Variants in VPS53 observed in about 807,000 individuals in gnomAD.
The protein encoded by VPS53 is vacuolar protein sorting-associated protein 53 homolog.
Under a neutral mutation model 107.0 loss-of-function variants are expected in VPS53, and 70 were observed. That is an observed-to-expected ratio of 0.65 (90% CI 0.54 to 0.80). The LOEUF is 0.80. VPS53 is among the 30% of genes least tolerant of loss of function. The pLI is 0.00. For missense variants in VPS53, 917 were observed against 1,049.4 expected (o/e 0.87, Z 1.74); for synonymous variants, 409 against 393.3 (o/e 1.04, Z -0.47).
chr17:630,803 C>A (rs1167597484), intron 8 of VPS53, among the ~76,000 whole-genome samples: 1 of 152,160 alleles, frequency 6.6e-6, no homozygotes, highest in Non-Finnish European at 1.5e-5. Context: ...AGGCTCCTTG[C>A]CCCTAAGTGC....
intron 13 of VPS53, among the ~76,000 whole-genome samples, chr17:583,095 C>A (rs914412971): frequency 1.4e-5 from 2 of 147,270 alleles, no homozygotes; most frequent in African/African-American, 5.1e-5. Context: ...CAACCTAATG[C>A]GTTCCCAAAG....
intron 13 of VPS53, among the ~76,000 whole-genome samples, chr17:565,230 C>T (rs1210961579): frequency 2.0e-5 from 3 of 151,552 alleles, no homozygotes; most frequent in East Asian, 1.9e-4. Flanking sequence ...AGAGAAACCC[C>T]GTCTTCACTA....
rs550337192 is a variant in VPS53 at position 703,043 on chromosome 17, A to G, written c.169-3663T>C. 2.0e-5 allele frequency among the ~76,000 whole-genome samples: 3 copies of G among 152,240 alleles called. No homozygotes were observed. In the East Asian group the frequency reaches 5.8e-4, roughly 29 times the overall value. On this transcript the variant is annotated intron_variant, in intron 2 of 21. Transcript: ENST00000437048. ...GGCAACCTGGCAAAACCCTGTCTCT[A>G]CCAAAAATACAAAAAACTACCTGGG...
chr17:584,401 G>C (rs1567649765), intron 13 of VPS53, among the ~76,000 whole-genome samples: 1 of 152,230 alleles, frequency 6.6e-6, no homozygotes, highest in Admixed American at 6.5e-5. Context: ...TCGGCTGTTA[G>C]TTTGGAAGTC....
intron 13 of VPS53, among the ~76,000 whole-genome samples, chr17:585,223 A>C (rs1324254553): frequency 6.6e-6 from 1 of 152,236 alleles, no homozygotes; most frequent in Non-Finnish European, 1.5e-5. Context: ...GTGCCTCTTG[A>C]CACAATGCAC....
intron 4 of VPS53, among the ~76,000 whole-genome samples, chr17:666,176 C>G (rs73281385): frequency 6.6e-6 from 1 of 152,042 alleles, no homozygotes; most frequent in African/African-American, 2.4e-5. Context: ...ACAGAATACA[C>G]AAGAGAAGAA....
chr17:521,544 G>T (rs1401380457), intron 20 of VPS53, 57 bp downstream of exon 20: 1 of 1,472,566 alleles, frequency 6.8e-7, no homozygotes, highest in Non-Finnish European at 9.1e-7. Flanking sequence ...CAAAACCAAG[G>T]CTTCTCAGAA....
At chr17:681,075 T>G (rs1972374848) in intron 4 of VPS53, among the ~76,000 whole-genome samples, 4 of 152,202 alleles carry the variant, frequency 2.6e-5, no homozygotes, top group Admixed American at 2.0e-4. Flanking sequence ...AAATTACATG[T>G]TTTTTGAAAA....
Position 627,165 on chromosome 17 carries a change from G to T in VPS53, c.974+9C>A. 1 of 1,611,524 alleles carries T rather than the reference G, an allele frequency of 6.2e-7. No homozygotes were observed. Among genetic ancestry groups the T allele is most frequent in the Non-Finnish European group, 8.5e-7 (1 of 1,178,936 alleles). ...TTAACCACAGAACCAGTAGAGAACT[G>T]GCATCTACCTTGTCACATGGCAAAA... is the stretch of plus-strand genomic sequence containing the variant. On this transcript the variant is annotated intron_variant, in intron 10 of 21. Coordinates refer to ENST00000437048, the MANE Select transcript of VPS53 (RefSeq NM_001128159.3).
intron 4 of VPS53, among the ~76,000 whole-genome samples, chr17:672,108 T>TCACACACA (rs1392614940): frequency 0.023 from 696 of 30,242 alleles, 3 homozygotes; most frequent in African/African-American, 0.053. Context: ...ATGATGAGGG[T>TCACACACA]GACACACACA....
In VPS53 at chr17:519,166, T is replaced by C; in HGVS notation, c.2461A>G (p.Ile821Val). ...APTPEQESSR[I>V]RKLEKLIKKR... ...TTAATGAGTTTCTCGAGCTTGCGGA[T>C]GCGTGACGACTCTTGCTCTGGTGTT... Residue 821 changes from isoleucine (I) to valine (V), a missense_variant, in exon 22 of 22, where the codon ATC becomes GTC. Transcript: ENST00000437048. The surrounding 1 kb of genome is among the most constrained non-coding windows in gnomAD (Gnocchi z 5.0). 1 of 1,543,892 alleles carries C rather than the reference T, an allele frequency of 6.5e-7. No individual in the cohort carries two copies. The highest frequency in any genetic ancestry group is 8.7e-7 in the Non-Finnish European group (1 of 1,144,024).
At chr17:543,177 C>A (rs79353507) in intron 17 of VPS53, among the ~76,000 whole-genome samples, 3,612 of 152,086 alleles carry the variant, frequency 0.024, 52 homozygotes, top group East Asian at 0.069. Context: ...TGAGAACAGA[C>A]TTGTCTTGAT....
rs770828421 is a variant in VPS53, at chr17:653,268, CT to C, written c.608+22del. The C allele has an allele frequency of 7.4e-6, 12 of 1,612,032 alleles. 1 individual carries two copies. The African/African-American group carries it at 1.6e-4, about 22-fold the overall frequency. ...GCCGGATCTGCGGAATCCCCATATA[CT>C]TTCCCTCTGGTGACAGTTTACCTTT... On this transcript the variant is annotated intron_variant, in intron 7 of 21. Coordinates refer to ENST00000437048, the MANE Select transcript of VPS53 (RefSeq NM_001128159.3).
At chr17:604,694 T>C (rs1241603142) in intron 11 of VPS53, among the ~76,000 whole-genome samples, 1 of 152,246 alleles carries the variant, frequency 6.6e-6, no homozygotes, top group African/African-American at 2.4e-5. Context: ...TCCATCTGTC[T>C]CAGCCTCCCA....
intron 1 of VPS53, among the ~76,000 whole-genome samples, chr17:711,878 G>A (rs1597521003): frequency 6.7e-6 from 1 of 149,788 alleles, no homozygotes; most frequent in African/African-American, 2.5e-5. Context: ...GTGCAGTAGC[G>A]CGATCTTGGT....
In VPS53 at chr17:601,326, G is replaced by T. The variant is rs146257175; in HGVS notation, c.1218+469C>A. 3.9e-4 allele frequency among the ~76,000 whole-genome samples: 60 copies of T among 152,322 alleles called. 1 individual carries two copies. In the East Asian group the frequency reaches 7.7e-3, roughly 20 times the overall value. On this transcript the variant is annotated intron_variant, in intron 12 of 21. Coordinates refer to ENST00000437048, the MANE Select transcript of VPS53 (RefSeq NM_001128159.3). ...AAAGTAACTCTTCAAATATGCCACT[G>T]GCCACCTTGACATTTCCAGGCCTCC...
intron 4 of VPS53, among the ~76,000 whole-genome samples, chr17:687,204 T>A (rs1363255196): frequency 6.7e-5 from 10 of 149,946 alleles, no homozygotes; most frequent in Non-Finnish European, 1.0e-4. Flanking sequence ...GAGAATCACT[T>A]GAACCCAGGA....
At chr17:649,624 G>A (rs1970851542) in intron 7 of VPS53, among the ~76,000 whole-genome samples, 1 of 151,228 alleles carries the variant, frequency 6.6e-6, no homozygotes, top group African/African-American at 2.4e-5. Context: ...GAATGGAACA[G>A]GCACTGAAGA....
chr17:538,512 A>G (rs1385101059), intron 17 of VPS53: 1 of 152,254 alleles, frequency 6.6e-6, no homozygotes, highest in Non-Finnish European at 1.5e-5. Flanking sequence ...GAAAAAATCA[A>G]TACTGAGAGA....
Sources: gnomAD v4.1 joint callset for allele counts (sites outside exome capture counted in the v4.1 genomes callset) on GRCh38, gnomAD v4.1.1 for gene constraint, Gnocchi (gnomAD v3.1) non-coding constraint, MANE v1.5 for transcripts, NCBI Gene and HGNC (gene_info 2026-07-23, HGNC 2026-07-21) for gene names.